Variants in RALGPS2 observed in about 807,000 individuals in gnomAD.
RALGPS2 encodes the protein Ral GEF with PH domain and SH3 binding motif 2, also known as ras-specific guanine nucleotide-releasing factor RalGPS2.
In RALGPS2, 43 loss-of-function variants were observed where a neutral mutation model predicts 86.8. That is an observed-to-expected ratio of 0.50 (90% CI 0.39 to 0.64). The LOEUF is 0.64. Ranked by LOEUF, RALGPS2 falls within the 30% of genes least tolerant of loss-of-function variation. The pLI, the probability that RALGPS2 is intolerant of heterozygous loss-of-function variation, is 0.00. For synonymous variants in RALGPS2, 243 were observed against 231.3 expected, an observed-to-expected ratio of 1.05 and a Z score of -0.46; for missense variants, 536 against 694.6, an observed-to-expected ratio of 0.77 and a Z score of 2.57.
intron 7 of RALGPS2, among the ~76,000 whole-genome samples, chr1:178,824,763 C>G (rs919215478): frequency 6.6e-6 from 1 of 151,758 alleles, no homozygotes; most frequent in South Asian, 2.1e-4. Context: ...GAGCCGAGAT[C>G]GCGCTACTGC....
intron 8 of RALGPS2, among the ~76,000 whole-genome samples, chr1:178,868,263 G>A (rs943126267): frequency 6.6e-6 from 1 of 151,700 alleles, no homozygotes; most frequent in East Asian, 1.9e-4. Flanking sequence ...CTCCAGATTC[G>A]TGGAATTTAG....
At chr1:178,808,003 C>T in intron 4 of RALGPS2, 42 bp from the exon 5 acceptor site, 2 of 1,270,602 alleles carry the variant, frequency 1.6e-6, no homozygotes. Flanking sequence ...CAGAAAAAAA[C>T]TAGGCTATTA....
intron 6 of RALGPS2, among the ~76,000 whole-genome samples, chr1:178,819,472 CT>C (rs898709698): frequency 6.6e-6 from 1 of 152,124 alleles, no homozygotes. Flanking sequence ...AGTGTCTCTG[CT>C]TTATGCAATG....
chr1:178,725,551 G>T, intron 1 of RALGPS2, 132 bp downstream of exon 1: 1 of 152,098 alleles, frequency 6.6e-6, no homozygotes, highest in South Asian at 2.0e-4. Context: ...CGCGGGCCCC[G>T]GGGCTGCTCG....
chr1:178,740,955 TTAAG>T (rs1650987769), intron 1 of RALGPS2, among the ~76,000 whole-genome samples: 1 of 152,196 alleles, frequency 6.6e-6, no homozygotes, highest in South Asian at 2.1e-4. Context: ...GATGTGAGGA[TTAAG>T]TGAGAATGAC....
At chr1:178,785,984 T>C (rs150452268) in intron 4 of RALGPS2, among the ~76,000 whole-genome samples, 2 of 152,240 alleles carry the variant, frequency 1.3e-5, no homozygotes, top group East Asian at 3.9e-4. Context: ...ATGTATTTTG[T>C]ACTCGGTTCT....
chr1:178,790,308 A>G (rs1462081320), intron 4 of RALGPS2, among the ~76,000 whole-genome samples: 9 of 152,196 alleles, frequency 5.9e-5, no homozygotes, highest in Non-Finnish European at 2.9e-5. Context: ...AAATCTGGCC[A>G]GTATAAAAAG....
intron 13 of RALGPS2, among the ~76,000 whole-genome samples, chr1:178,889,155 A>T (rs1366554670): frequency 2.0e-5 from 3 of 151,914 alleles, no homozygotes; most frequent in African/African-American, 4.8e-5. Flanking sequence ...TTGGTTTTTT[A>T]AATTTAGAGA....
At chr1:178,854,005 A>G (rs1657362913) in intron 8 of RALGPS2, among the ~76,000 whole-genome samples, 1 of 151,970 alleles carries the variant, frequency 6.6e-6, no homozygotes, top group Admixed American at 6.6e-5. Context: ...TTTTCCATAT[A>G]TGTATTTTTT....
intron 1 of RALGPS2, among the ~76,000 whole-genome samples, chr1:178,737,812 C>G (rs929909307): frequency 6.6e-6 from 1 of 152,056 alleles, no homozygotes; most frequent in African/African-American, 2.4e-5. Flanking sequence ...GGGTCTCACT[C>G]TCTCACCCAG....
intron 1 of RALGPS2, among the ~76,000 whole-genome samples, chr1:178,733,292 A>G (rs1316219923): frequency 6.6e-6 from 1 of 152,222 alleles, no homozygotes; most frequent in Non-Finnish European, 1.5e-5. Context: ...CAAGTAACAC[A>G]CTGGAAAAGG....
chr1:178,808,737 C>T (rs1337109106), intron 5 of RALGPS2, among the ~76,000 whole-genome samples: 2 of 152,054 alleles, frequency 1.3e-5, no homozygotes, highest in South Asian at 2.1e-4. Flanking sequence ...GTAGGGTTGT[C>T]GCAGACCTGG....
At chr1:178,737,791 C>A (rs770801013) in intron 1 of RALGPS2, among the ~76,000 whole-genome samples, 1 of 150,844 alleles carries the variant, frequency 6.6e-6, no homozygotes, top group Admixed American at 6.6e-5. Flanking sequence ...ATTTTTTTTC[C>A]TTTTGAGATA....
chr1:178,829,775 C>T (rs895056038), intron 7 of RALGPS2, among the ~76,000 whole-genome samples: 1 of 151,806 alleles, frequency 6.6e-6, no homozygotes, highest in Non-Finnish European at 1.5e-5. Flanking sequence ...GATGGAGTCT[C>T]GCTCTATCAC....
chr1:178,749,495 TA>T (rs1651529011), intron 1 of RALGPS2, among the ~76,000 whole-genome samples: 1 of 152,214 alleles, frequency 6.6e-6, no homozygotes, highest in Non-Finnish European at 1.5e-5. Context: ...TTTTTCGTTT[TA>T]AAAGACAACC....
At chr1:178,867,183 T>C (rs1254795152) in intron 8 of RALGPS2, among the ~76,000 whole-genome samples, 1 of 152,142 alleles carries the variant, frequency 6.6e-6, no homozygotes, top group Admixed American at 6.5e-5. Flanking sequence ...TTAATATTTA[T>C]TGAGTGCTTG....
intron 19 of RALGPS2, among the ~76,000 whole-genome samples, chr1:178,916,002 C>T (rs1660796932): frequency 6.6e-6 from 1 of 152,092 alleles, no homozygotes; most frequent in South Asian, 2.1e-4. Context: ...CTCACCCTAC[C>T]AGAGTCATAC....
At chr1:178,914,023 A>T (rs74411132) in intron 19 of RALGPS2, among the ~76,000 whole-genome samples, 17 of 152,156 alleles carry the variant, frequency 1.1e-4, no homozygotes, top group Non-Finnish European at 2.5e-4. Flanking sequence ...AGAATAGTGG[A>T]AGCTACACTG....
chr1:178,743,878 C>A (rs1158826914), intron 1 of RALGPS2, among the ~76,000 whole-genome samples: 1 of 151,870 alleles, frequency 6.6e-6, no homozygotes, highest in Non-Finnish European at 1.5e-5. Flanking sequence ...CAAAAAAAAA[C>A]CCAAAATAAA....
Sources: gnomAD v4.1 joint callset for allele counts (sites outside exome capture counted in the v4.1 genomes callset) on GRCh38, gnomAD v4.1.1 for gene constraint, MANE v1.5 for transcripts, NCBI Gene and HGNC (gene_info 2026-07-23, HGNC 2026-07-21) for gene names.